SDK1: variants seen among roughly 807,000 people sequenced by gnomAD.
The protein encoded by SDK1 is sidekick cell adhesion molecule 1.
SDK1 carries 157 observed loss-of-function variants against 245.5 expected under a neutral mutation model. The observed-to-expected ratio is 0.64, with a 90% CI of 0.56 to 0.73. The LOEUF is 0.73. SDK1 is among the 30% of genes least tolerant of loss of function. The pLI, the probability that SDK1 is intolerant of heterozygous loss-of-function variation, is 0.00. For missense variants in SDK1, 3,583 were observed against 3,002.3 expected, an observed-to-expected ratio of 1.19 and a Z score of -4.52; for synonymous variants, 1,647 against 1,278.5, an observed-to-expected ratio of 1.29 and a Z score of -6.15.
intron 20 of SDK1, among the ~76,000 whole-genome samples, chr7:4,070,899 C>T (rs1435694286): frequency 2.0e-5 from 3 of 150,386 alleles, no homozygotes; most frequent in East Asian, 4.0e-4. Context: ...TTAGTGAAGG[C>T]GGGGGTTTCA....
chr7:3,962,581 C>T, intron 8 of SDK1, 76 bp from the exon 9 acceptor site: 1 of 1,259,698 alleles, frequency 7.9e-7, no homozygotes, highest in Non-Finnish European at 1.1e-6. Context: ...GGCATTCTAG[C>T]CTTTGAAACA....
intron 1 of SDK1, among the ~76,000 whole-genome samples, chr7:3,495,079 C>A (rs924913495): frequency 1.3e-5 from 2 of 152,074 alleles, no homozygotes; most frequent in African/African-American, 4.8e-5. Context: ...GGGGTATTCC[C>A]TGTCTTGGTT....
At chr7:3,596,733 T>C (rs1781080204) in intron 1 of SDK1, among the ~76,000 whole-genome samples, 2 of 152,146 alleles carry the variant, frequency 1.3e-5, no homozygotes. Context: ...CAAAGGAAAT[T>C]TAGCAGAGTT....
chr7:3,909,542 T>G (rs1452409164), intron 5 of SDK1, among the ~76,000 whole-genome samples: 2 of 152,098 alleles, frequency 1.3e-5, no homozygotes, highest in Non-Finnish European at 2.9e-5. Flanking sequence ...GACAGTAAGC[T>G]CGGGAAAAGG....
intron 1 of SDK1, among the ~76,000 whole-genome samples, chr7:3,612,816 C>T (rs192756744): frequency 6.6e-6 from 1 of 152,272 alleles, no homozygotes; most frequent in East Asian, 1.9e-4. Flanking sequence ...CGGCTGGACT[C>T]GCACCTGATT....
intron 4 of SDK1, among the ~76,000 whole-genome samples, chr7:3,730,349 G>A (rs1779142233): frequency 6.6e-6 from 1 of 152,230 alleles, no homozygotes. Flanking sequence ...GCTTTCTTCA[G>A]CCCTGGTGAG....
intron 4 of SDK1, among the ~76,000 whole-genome samples, chr7:3,744,619 G>C (rs951291577): frequency 1.3e-5 from 2 of 152,106 alleles, no homozygotes; most frequent in African/African-American, 4.8e-5. Context: ...AGACCATCCT[G>C]GCTAACACGA....
At chr7:4,247,073 AG>A (rs1015835336) in intron 44 of SDK1, among the ~76,000 whole-genome samples, 2 of 152,138 alleles carry the variant, frequency 1.3e-5, no homozygotes, top group African/African-American at 4.8e-5. Context: ...AGGCCTGGAG[AG>A]GGGTGAAAAT....
At chr7:3,415,924 C>G (rs1367035302) in intron 1 of SDK1, among the ~76,000 whole-genome samples, 2 of 152,100 alleles carry the variant, frequency 1.3e-5, no homozygotes, top group African/African-American at 4.8e-5. Context: ...CTCCCCCATC[C>G]TGCTCATTGT....
intron 1 of SDK1, among the ~76,000 whole-genome samples, chr7:3,567,896 C>T (rs922046296): frequency 1.2e-4 from 18 of 152,334 alleles, no homozygotes; most frequent in Admixed American, 6.5e-4. Context: ...ATTGCAGCCT[C>T]GAACTCGTGG....
chr7:3,427,833 C>T (rs1779719690), intron 1 of SDK1, among the ~76,000 whole-genome samples: 1 of 106,262 alleles, frequency 9.4e-6, no homozygotes, highest in Non-Finnish European at 1.8e-5. Flanking sequence ...ATCATTGTCT[C>T]TTAGATGTCG....
At chr7:4,064,592 A>C (rs1387502738) in intron 19 of SDK1, among the ~76,000 whole-genome samples, 2 of 152,174 alleles carry the variant, frequency 1.3e-5, no homozygotes, top group Non-Finnish European at 2.9e-5. Flanking sequence ...GAGTCAGTGC[A>C]TCAAAGGATA....
intron 22 of SDK1, among the ~76,000 whole-genome samples, chr7:4,094,148 G>T (rs1392329757): frequency 1.3e-5 from 2 of 152,034 alleles, no homozygotes; most frequent in Non-Finnish European, 2.9e-5. Flanking sequence ...CCTCCGCCTT[G>T]TAGGTTCAAG....
chr7:4,233,789 C>A (rs1370716621), intron 41 of SDK1, among the ~76,000 whole-genome samples: 1 of 152,158 alleles, frequency 6.6e-6, no homozygotes, highest in Non-Finnish European at 1.5e-5. Flanking sequence ...CTGGGCTGCT[C>A]CCTGCTTCCC....
chr7:3,672,748 A>AT (rs1554307075), intron 4 of SDK1, among the ~76,000 whole-genome samples: 1 of 60,562 alleles, frequency 1.7e-5, no homozygotes. Context: ...ATATTTTTAT[A>AT]ATATATAATT....
rs573262189 is a variant in SDK1 at position 3,951,952 on chromosome 7, G to A, written c.1150+32G>A. The stretch of plus-strand genomic sequence containing the variant: ...CGGGAGCCTCTAAGTGGTGTTGCCA[G>A]CATCTCAGATAGCATCCGACACTGA... On this transcript the variant is annotated intron_variant, in intron 7 of 44. Transcript: ENST00000404826. 2.1e-5 allele frequency: 34 copies of A among 1,584,976 alleles called. No individual in the cohort carries two copies. In the South Asian group the frequency reaches 3.1e-4, roughly 14 times the overall value.
chr7:3,560,557 G>A (rs1380295047), intron 1 of SDK1, among the ~76,000 whole-genome samples: 3 of 152,076 alleles, frequency 2.0e-5, no homozygotes, highest in Non-Finnish European at 4.4e-5. Context: ...TCTCTTACCT[G>A]GATTCCTGCA....
chr7:4,143,896 C>T (rs1177356189), intron 28 of SDK1, among the ~76,000 whole-genome samples: 2 of 152,186 alleles, frequency 1.3e-5, no homozygotes, highest in Admixed American at 6.5e-5. Flanking sequence ...GCATGGGAAG[C>T]GTTGCAGGGA....
At chr7:3,900,331 G>C (rs1781744467) in intron 5 of SDK1, among the ~76,000 whole-genome samples, 1 of 152,214 alleles carries the variant, frequency 6.6e-6, no homozygotes, top group African/African-American at 2.4e-5. Context: ...TGTTCTGCCT[G>C]AACAGGCTTC....
Sources: gnomAD v4.1 joint callset for allele counts (sites outside exome capture counted in the v4.1 genomes callset) on GRCh38, gnomAD v4.1.1 for gene constraint, MANE v1.5 for transcripts, NCBI Gene and HGNC (gene_info 2026-07-23, HGNC 2026-07-21) for gene names.